Variants in RALGAPA1 observed in about 807,000 individuals in gnomAD.
RALGAPA1 encodes Ral GTPase activating protein catalytic subunit alpha 1, also known as ral GTPase-activating protein subunit alpha-1.
A neutral mutation model predicts 269.6 loss-of-function variants in RALGAPA1; 52 were observed. The ratio of observed to expected loss-of-function variants is 0.19; its 90% CI spans 0.15 to 0.24. RALGAPA1 has a LOEUF of 0.24. RALGAPA1 is among the 10% of genes least tolerant of loss of function. RALGAPA1 has a pLI of 1.00. For missense variants in RALGAPA1, 1,917 were observed against 3,013.9 expected (o/e 0.64, Z 8.52); for synonymous variants, 817 against 1,008.3 (o/e 0.81, Z 3.60).
chr14:35,691,586 T>C (rs1567017195), intron 17 of RALGAPA1, among the ~76,000 whole-genome samples: 1 of 152,228 alleles, frequency 6.6e-6, no homozygotes, highest in Non-Finnish European at 1.5e-5. Flanking sequence ...TTACTCTAGA[T>C]TTTGAGACTA....
At chr14:35,732,354 C>A (rs567422504) in intron 12 of RALGAPA1, among the ~76,000 whole-genome samples, 22 of 150,030 alleles carry the variant, frequency 1.5e-4, no homozygotes, top group Non-Finnish European at 2.5e-4. Flanking sequence ...AAAAAAAAAA[C>A]CAAGGTACAC....
chr14:35,751,618 TA>T (rs200277018), intron 8 of RALGAPA1, among the ~76,000 whole-genome samples: 13 of 148,230 alleles, frequency 8.8e-5, no homozygotes, highest in Admixed American at 1.3e-4. Context: ...ATCCCATCTC[TA>T]AAAAAAAAAT....
At chr14:35,582,613 CA>C (rs1347798658) in intron 37 of RALGAPA1, among the ~76,000 whole-genome samples, 1 of 152,126 alleles carries the variant, frequency 6.6e-6, no homozygotes, top group African/African-American at 2.4e-5. Context: ...CAGGAGAAAC[CA>C]GTCTTATGGG....
intron 37 of RALGAPA1, among the ~76,000 whole-genome samples, chr14:35,593,246 A>T (rs1302833992): frequency 1.3e-5 from 2 of 152,194 alleles, no homozygotes; most frequent in Non-Finnish European, 2.9e-5. Flanking sequence ...AATCCTATTT[A>T]TGATACCATA....
intron 26 of RALGAPA1, among the ~76,000 whole-genome samples, 165 bp from the exon 27 acceptor site, chr14:35,664,932 C>T (rs993252287): frequency 9.9e-5 from 15 of 152,170 alleles, no homozygotes; most frequent in African/African-American, 2.9e-4. Context: ...TTTATACTTT[C>T]CACATAAACT....
At chr14:35,612,159 C>G (rs561808917) in intron 35 of RALGAPA1, among the ~76,000 whole-genome samples, 20 of 152,032 alleles carry the variant, frequency 1.3e-4, no homozygotes, top group Non-Finnish European at 2.1e-4. Flanking sequence ...ACTGCTAGAG[C>G]TCAGGAGTTC....
chr14:35,682,837 C>A (rs2065572420), intron 21 of RALGAPA1, among the ~76,000 whole-genome samples: 1 of 152,138 alleles, frequency 6.6e-6, no homozygotes, highest in African/African-American at 2.4e-5. Context: ...TTCCCATTCT[C>A]CACTAGGGCC....
At chr14:35,621,914 T>C (rs1240334874) in intron 35 of RALGAPA1, among the ~76,000 whole-genome samples, 1 of 152,174 alleles carries the variant, frequency 6.6e-6, no homozygotes, top group Non-Finnish European at 1.5e-5. Context: ...ACACTGTTGG[T>C]GGGAGTGTAA....
At chr14:35,744,141 G>A (rs1190070259) in intron 10 of RALGAPA1, among the ~76,000 whole-genome samples, 3 of 152,092 alleles carry the variant, frequency 2.0e-5, no homozygotes, top group Non-Finnish European at 4.4e-5. Flanking sequence ...GGAAGCCAAG[G>A]CTGGCAGATC....
chr14:35,586,074 C>G (rs11156888), intron 37 of RALGAPA1, among the ~76,000 whole-genome samples: 16,832 of 152,186 alleles, frequency 0.11, 1,482 homozygotes, highest in East Asian at 0.31. Flanking sequence ...CTGATTCTTC[C>G]TATCCATGAG....
chr14:35,622,926 C>T (rs2060730383), intron 35 of RALGAPA1, among the ~76,000 whole-genome samples: 2 of 152,056 alleles, frequency 1.3e-5, no homozygotes, highest in Non-Finnish European at 2.9e-5. Flanking sequence ...TGGCAAAACC[C>T]TGTCTCTTAT....
intron 27 of RALGAPA1, among the ~76,000 whole-genome samples, chr14:35,661,834 A>G (rs1292318457): frequency 1.3e-5 from 2 of 152,174 alleles, no homozygotes; most frequent in Non-Finnish European, 2.9e-5. Context: ...TAGCTAAGAC[A>G]CTGTACTTAT....
rs756348343 is a variant in RALGAPA1 at position 35,572,564 on chromosome 14, G to A, written c.7364C>T (p.Pro2455Leu). ...TGGAAGATAAGGAGTTCTTACCTCTGGTTTTTTCATTATCTGAATACTGAA... is the reference window on the plus strand; with the variant it reads ...TGGAAGATAAGGAGTTCTTACCTCTAGTTTTTTCATTATCTGAATACTGAA... ...HMFSIQIMKK[P>L]EVPFFGPLFD... The change falls in exon 38 of 42, where the codon CCA (proline) becomes CTA (leucine). Residue 2455 changes from proline (P) to leucine (L), a missense_variant. Around this residue, in one of 11 missense-constraint regions of RALGAPA1, gnomAD observed 91 missense variants for 130.9 expected, o/e 0.70. Coordinates refer to ENST00000680220, the MANE Select transcript of RALGAPA1 (RefSeq NM_001346249.2). The A allele has an allele frequency of 8.8e-6, 14 of 1,596,156 alleles. No individual in the cohort carries two copies. Among genetic ancestry groups the A allele is most frequent in the Non-Finnish European group, 1.2e-5 (14 of 1,172,548 alleles).
intron 32 of RALGAPA1, 145 bp from the exon 33 acceptor site, chr14:35,634,902 C>T (rs2061573786): frequency 2.6e-6 from 2 of 780,304 alleles, no homozygotes; most frequent in Non-Finnish European, 3.7e-6. Context: ...CACAGTGGCT[C>T]ATGCCTGTAA....
At chr14:35,722,457 C>T (rs916817444) in intron 15 of RALGAPA1, among the ~76,000 whole-genome samples, 1 of 151,308 alleles carries the variant, frequency 6.6e-6, no homozygotes, top group African/African-American at 2.4e-5. Context: ...ATAAGAAATA[C>T]AAACAAAAAA....
intron 1 of RALGAPA1, among the ~76,000 whole-genome samples, chr14:35,799,046 T>C (rs576218892): frequency 6.6e-6 from 1 of 150,994 alleles, no homozygotes; most frequent in Admixed American, 6.6e-5. Flanking sequence ...TAAATGGTAC[T>C]ACATGGGTAT....
At chr14:35,617,552 A>T in intron 35 of RALGAPA1, among the ~76,000 whole-genome samples, 1 of 139,948 alleles carries the variant, frequency 7.1e-6, no homozygotes, top group South Asian at 2.2e-4. Context: ...CCGAAGGCGG[A>T]GGTTGCAGTG....
At chr14:35,733,396 G>C (rs2070689190) in intron 12 of RALGAPA1, among the ~76,000 whole-genome samples, 5 of 152,144 alleles carry the variant, frequency 3.3e-5, no homozygotes, top group Admixed American at 3.3e-4. Context: ...AGAATTGCTT[G>C]AACCCGGGAG....
chr14:35,614,010 A>T (rs1321881618), intron 35 of RALGAPA1, among the ~76,000 whole-genome samples: 1 of 152,244 alleles, frequency 6.6e-6, no homozygotes, highest in Non-Finnish European at 1.5e-5. Context: ...TACTAAAAAA[A>T]TCTCACAAAC....
Sources: gnomAD v4.1 joint callset for allele counts (sites outside exome capture counted in the v4.1 genomes callset) on GRCh38, gnomAD v4.1.1 for gene constraint, gnomAD v4.1.1 regional missense constraint, MANE v1.5 for transcripts, NCBI Gene and HGNC (gene_info 2026-07-23, HGNC 2026-07-21) for gene names.